The following LDB2 variants were observed in gnomAD, a reference collection of about 807,000 sequenced individuals.
LDB2 encodes LIM domain-binding protein 2.
Under a neutral mutation model 44.3 loss-of-function variants are expected in LDB2, and 12 were observed. The observed-to-expected ratio is 0.27, with a 90% confidence interval of 0.17 to 0.44. The LOEUF (loss-of-function observed/expected upper bound fraction) is 0.44. LDB2 is among the 20% of genes least tolerant of loss of function. The pLI, the probability that LDB2 is intolerant of heterozygous loss-of-function variation, is 1.00. For synonymous variants in LDB2, 164 were observed against 174.8 expected, an observed-to-expected ratio of 0.94 and a Z score of 0.49; for missense variants, 344 against 473.5, an observed-to-expected ratio of 0.73 and a Z score of 2.54.
intron 5 of LDB2, among the ~76,000 whole-genome samples, chr4:16,584,975 G>A (rs1317760201): frequency 6.6e-6 from 1 of 152,220 alleles, no homozygotes; most frequent in Non-Finnish European, 1.5e-5. Context: ...GACACACAGT[G>A]TGGGACTTCT....
chr4:16,760,303 G>T (rs1340654144), intron 1 of LDB2, among the ~76,000 whole-genome samples: 1 of 152,154 alleles, frequency 6.6e-6, no homozygotes, highest in Non-Finnish European at 1.5e-5. Context: ...TTCCCATTAA[G>T]TTGCTCTGCT....
chr4:16,558,156 C>G (rs756406000), intron 5 of LDB2, among the ~76,000 whole-genome samples: 1 of 151,700 alleles, frequency 6.6e-6, no homozygotes, highest in Non-Finnish European at 1.5e-5. Flanking sequence ...AAAAGCAGAG[C>G]GTCCCTCCAA....
chr4:16,765,652 T>A (rs569304930), intron 1 of LDB2, among the ~76,000 whole-genome samples: 4 of 152,268 alleles, frequency 2.6e-5, no homozygotes, highest in African/African-American at 9.6e-5. Flanking sequence ...ACTAAACAGA[T>A]GATAAGGCCC....
intron 1 of LDB2, among the ~76,000 whole-genome samples, chr4:16,817,394 C>T (rs1208190923): frequency 6.6e-6 from 1 of 152,162 alleles, no homozygotes; most frequent in East Asian, 1.9e-4. Flanking sequence ...CTACTAAATG[C>T]CATTCTGACA....
intron 3 of LDB2, among the ~76,000 whole-genome samples, chr4:16,595,152 C>T (rs1038894425): frequency 1.3e-5 from 2 of 152,068 alleles, no homozygotes. Context: ...TAATCCGATC[C>T]TGACACTTGC....
chr4:16,577,332 A>G (rs1357790014), intron 5 of LDB2, among the ~76,000 whole-genome samples: 1 of 152,194 alleles, frequency 6.6e-6, no homozygotes, highest in Non-Finnish European at 1.5e-5. Flanking sequence ...AAAAACTTAA[A>G]GACTCCACCA....
intron 6 of LDB2, among the ~76,000 whole-genome samples, chr4:16,510,989 TTAATA>T (rs1721516058): frequency 6.6e-6 from 1 of 152,198 alleles, no homozygotes; most frequent in African/African-American, 2.4e-5. Context: ...TTAAGCACAT[TTAATA>T]TATTTGAAAA....
At chr4:16,876,937 TC>T (rs1354757562) in intron 1 of LDB2, among the ~76,000 whole-genome samples, 7 of 65,998 alleles carry the variant, frequency 1.1e-4, no homozygotes, top group African/African-American at 1.7e-4. Context: ...GACAAGGTCT[TC>T]GCTCTGTCAC....
rs748199185 is a variant in LDB2, at chr4:16,674,211, C to T, written c.236-78336G>A. On this transcript the variant is annotated intron_variant, in intron 2 of 7. Coordinates refer to ENST00000304523, the MANE Select transcript of LDB2 (RefSeq NM_001290.5). ...ATTAAATGAGGTACCTTTGGTCAAA[C>T]AGAAAAGCAATTACATGATAGGAAA... 7 of 1,285,334 alleles carry T rather than the reference C, an allele frequency of 5.4e-6. No individual in the cohort carries two copies. The East Asian group carries it at 1.7e-4, about 31-fold the overall frequency. 79.6% of individuals were successfully genotyped at this position (1,285,334 alleles called of 1,614,324 possible).
chr4:16,731,676 C>T (rs1760791075), intron 2 of LDB2, among the ~76,000 whole-genome samples: 1 of 152,102 alleles, frequency 6.6e-6, no homozygotes, highest in Non-Finnish European at 1.5e-5. Context: ...TTGTTTAAGC[C>T]ACCTAGTATA....
intron 1 of LDB2, among the ~76,000 whole-genome samples, chr4:16,794,537 G>A (rs1776356773): frequency 6.6e-6 from 1 of 152,064 alleles, no homozygotes; most frequent in Admixed American, 6.5e-5. Flanking sequence ...CTTTGTTATT[G>A]AGCTGTGTGA....
chr4:16,559,121 T>C (rs966187706), intron 5 of LDB2, among the ~76,000 whole-genome samples: 7 of 152,128 alleles, frequency 4.6e-5, no homozygotes, highest in Non-Finnish European at 1.0e-4. Flanking sequence ...TGCCAAATTG[T>C]AAAGACCATC....
intron 1 of LDB2, among the ~76,000 whole-genome samples, chr4:16,847,301 G>A (rs1787220187): frequency 1.3e-5 from 2 of 152,136 alleles, no homozygotes; most frequent in African/African-American, 4.8e-5. Context: ...GGACCAGAAT[G>A]TGGTCAGAGG....
intron 2 of LDB2, among the ~76,000 whole-genome samples, chr4:16,739,573 GAAAAAAAAA>G (rs577466407): frequency 2.7e-5 from 1 of 37,700 alleles, no homozygotes; most frequent in Non-Finnish European, 4.7e-5. Context: ...GTGACAGAGG[GAAAAAAAAA>G]AAAAAAAATA....
rs185764762 is a variant in LDB2, at chr4:16,775,458, A to G, written c.133-16198T>C. ...GCCTTCACTGTAAAAAATGGTAATAATAAGTGTAGCTACCTCATAGTGCTA... is the reference window on the plus strand; with the variant it reads ...GCCTTCACTGTAAAAAATGGTAATAGTAAGTGTAGCTACCTCATAGTGCTA... On this transcript the variant is annotated intron_variant, in intron 1 of 7. Coordinates refer to ENST00000304523, the MANE Select transcript of LDB2 (RefSeq NM_001290.5). Among the ~76,000 whole-genome samples the G allele has an allele frequency of 9.8e-5, 15 of 152,312 alleles. No homozygotes were observed. In the East Asian group the frequency reaches 1.9e-3, roughly 20 times the overall value.
chr4:16,798,035 G>GAA (rs371276215), intron 1 of LDB2, among the ~76,000 whole-genome samples: 8 of 71,922 alleles, frequency 1.1e-4, no homozygotes, highest in African/African-American at 1.3e-4. Context: ...ACTCTGTCTC[G>GAA]AAAAAAAAAA....
chr4:16,506,353 T>C (rs753590609), intron 7 of LDB2: 57 of 172,548 alleles, frequency 3.3e-4, no homozygotes, highest in Non-Finnish European at 6.0e-4. Context: ...GAGATAGTGA[T>C]GGAATCCAAC....
intron 5 of LDB2, among the ~76,000 whole-genome samples, chr4:16,583,184 G>T (rs952552871): frequency 1.3e-5 from 2 of 152,216 alleles, no homozygotes; most frequent in African/African-American, 4.8e-5. Flanking sequence ...AAATGAACTT[G>T]TTTTGACGAA....
At chr4:16,877,661 T>C (rs1410887669) in intron 1 of LDB2, among the ~76,000 whole-genome samples, 2 of 152,180 alleles carry the variant, frequency 1.3e-5, no homozygotes, top group African/African-American at 4.8e-5. Flanking sequence ...CATATATCAG[T>C]AGAAAACAGG....
Sources: allele counts gnomAD v4.1 joint callset (sites outside exome capture counted in the v4.1 genomes callset), GRCh38; gene constraint gnomAD v4.1.1; transcripts MANE v1.5; gene names NCBI Gene and HGNC (gene_info 2026-07-23, HGNC 2026-07-21).